The following SGCB variants were observed in gnomAD, a reference collection of about 807,000 sequenced individuals.
SGCB encodes sarcoglycan beta, also known as beta-sarcoglycan.
Under a neutral mutation model 27.3 loss-of-function variants are expected in SGCB, and 25 were observed. That is an observed-to-expected ratio of 0.92 (90% CI 0.67 to 1.28). The LOEUF (loss-of-function observed/expected upper bound fraction) is 1.28. SGCB is among the 50% of genes most tolerant of loss of function. SGCB has a pLI of 0.00. For synonymous variants in SGCB, 147 were observed against 133.5 expected (o/e 1.10, Z -0.70); for missense variants, 436 against 402.1 (o/e 1.08, Z -0.72).
chr4:52,030,047 T>C (rs1737210028), intron 2 of SGCB, among the ~76,000 whole-genome samples, 184 bp from the exon 3 acceptor site: 1 of 152,224 alleles, frequency 6.6e-6, no homozygotes, highest in African/African-American at 2.4e-5. Flanking sequence ...AGGTATTACA[T>C]GCAAATAGCT....
At chr4:52,026,250 G>GTTTT (rs71193050) in intron 5 of SGCB, among the ~76,000 whole-genome samples, 2 of 101,646 alleles carry the variant, frequency 2.0e-5, no homozygotes, top group Non-Finnish European at 4.1e-5. Context: ...TTTGTTGTTG[G>GTTTT]TTTTTTTTTT....
intron 1 of SGCB, 118 bp from the exon 2 acceptor site, chr4:52,033,758 G>C: frequency 1.3e-6 from 1 of 774,950 alleles, no homozygotes; most frequent in Non-Finnish European, 2.3e-6. Context: ...CATTTTCCAT[G>C]AATAAACTGC....
At chr4:52,027,842 T>G (rs1737140552) in intron 5 of SGCB, 126 bp downstream of exon 5, 1 of 892,732 alleles carries the variant, frequency 1.1e-6, no homozygotes, top group African/African-American at 1.7e-5. Flanking sequence ...ACAACCCACT[T>G]TGAACATCTT....
chr4:52,024,308 AAAAC>A (rs1737030786), intron 5 of SGCB, 148 bp from the exon 6 acceptor site: 1 of 653,306 alleles, frequency 1.5e-6, no homozygotes, highest in South Asian at 1.8e-5. Flanking sequence ...GCAACAATAA[AAAAC>A]AAAATATCAG....
intron 1 of SGCB, among the ~76,000 whole-genome samples, chr4:52,036,715 C>A (rs1026820117): frequency 1.3e-5 from 2 of 152,072 alleles, no homozygotes; most frequent in Non-Finnish European, 2.9e-5. Context: ...AGATGACTCC[C>A]AAATAGGACT....
chr4:52,034,408 G>T (rs971125210), intron 1 of SGCB, among the ~76,000 whole-genome samples: 1 of 126,404 alleles, frequency 7.9e-6, no homozygotes, highest in Non-Finnish European at 1.6e-5. Flanking sequence ...GAACATGTAC[G>T]ACTTTTTCCT....
Position 52,031,406 on chromosome 4 carries a change from ATGTGTGTGTGTGTGTGTGTGTG to A in SGCB, c.244-1565_244-1544del, listed in dbSNP as rs57599198. Among the ~76,000 whole-genome samples the A allele has an allele frequency of 9.8e-3, 1,405 of 142,776 alleles. 11 individuals are homozygous for A. Among genetic ancestry groups the A allele is most frequent in the East Asian group, 0.046 (220 of 4,760 alleles). The allele number at this position is 142,776 out of a possible 152,430, so 93.7% of individuals were successfully genotyped here. A position where few individuals can be genotyped will look rare whatever the true frequency, so the allele number is the denominator to read the frequency against. ...CCCATTCATCTCTGTGTGTGTGTGT[ATGTGTGTGTGTGTGTGTGTGTG>A]TGTGTGTGTGTGTGTGTGTGTGCAC... On this transcript the variant is annotated intron_variant, in intron 2 of 5. Coordinates refer to ENST00000381431, the MANE Select transcript of SGCB (RefSeq NM_000232.5).
At chr4:52,036,993 A>C (rs1308586507) in intron 1 of SGCB, among the ~76,000 whole-genome samples, 1 of 152,218 alleles carries the variant, frequency 6.6e-6, no homozygotes, top group East Asian at 1.9e-4. Context: ...CTGGAGACGT[A>C]ATGCGTAAAT....
rs1287754420 is a variant in SGCB at position 52,023,228 on chromosome 4, T to G, written c.*729A>C. ...CCTACTTGCAGGGTTGTGGTGAGAA[T>G]TGGGGATATAAACATGCAATGCCTA... On this transcript the variant is annotated 3_prime_UTR_variant, in exon 6 of 6. Transcript: ENST00000381431. The G allele has an allele frequency of 6.6e-6, 1 of 152,172 alleles. No individual in the cohort carries two copies. The highest frequency in any genetic ancestry group is 6.6e-5 in the Admixed American group (1 of 15,266). 9.4% of individuals were successfully genotyped at this position (152,172 alleles called of 1,614,324 possible).
At position 52,023,698 on chromosome 4, in the gene SGCB, T is replaced by G. The variant is rs907667539; in HGVS notation, c.*259A>C. ...TAGTGGAATTTTAAAAACACGTCTT[T>G]AAACATGACTTTTGATTTTATTTGC... On this transcript the variant is annotated 3_prime_UTR_variant, in exon 6 of 6. Coordinates refer to ENST00000381431, the MANE Select transcript of SGCB (RefSeq NM_000232.5). 2.3e-6 allele frequency: 1 copy of G among 430,274 alleles called. No individual in the cohort carries two copies. The highest frequency in any genetic ancestry group is 3.7e-5 in the Admixed American group (1 of 27,274). The allele number at this position is 430,274 out of a possible 1,614,324, so 26.7% of individuals were successfully genotyped here.
intron 1 of SGCB, among the ~76,000 whole-genome samples, chr4:52,035,680 T>C (rs748883592): frequency 2.7e-4 from 41 of 152,196 alleles, no homozygotes; most frequent in Non-Finnish European, 4.9e-4. Flanking sequence ...TAATGGAGGA[T>C]TGAGGTTAAG....
intron 1 of SGCB, among the ~76,000 whole-genome samples, chr4:52,037,714 T>C (rs1172121236): frequency 1.3e-5 from 2 of 152,194 alleles, no homozygotes; most frequent in East Asian, 3.9e-4. Context: ...GACTGGTGAC[T>C]AAATCTTCAA....
intron 1 of SGCB, 58 bp downstream of exon 1, chr4:52,038,169 C>G (rs1737449929): frequency 3.6e-5 from 42 of 1,177,620 alleles, no homozygotes; most frequent in Non-Finnish European, 4.2e-5. Context: ...CGGGCCCAGC[C>G]GGCAGGACGC....
intron 2 of SGCB, among the ~76,000 whole-genome samples, chr4:52,031,335 TCTAC>T (rs574355864): frequency 4.0e-4 from 60 of 151,742 alleles, no homozygotes; most frequent in Admixed American, 6.6e-4. Flanking sequence ...CTTCTGTCTA[TCTAC>T]CTACCTACCT....
intron 4 of SGCB, 125 bp from the exon 5 acceptor site, chr4:52,028,224 A>G: frequency 1.4e-6 from 1 of 736,924 alleles, no homozygotes; most frequent in South Asian, 1.7e-5. Flanking sequence ...TTAATGTTTT[A>G]GAGATGTGGA....
intron 1 of SGCB, among the ~76,000 whole-genome samples, chr4:52,034,934 A>C (rs754859698): frequency 6.6e-6 from 1 of 152,204 alleles, no homozygotes; most frequent in Non-Finnish European, 1.5e-5. Flanking sequence ...TACTTTAAAA[A>C]TTTCTCCATT....
At position 52,022,433 on chromosome 4, in the gene SGCB, G is replaced by A. The variant is rs1219793528; in HGVS notation, c.*1524C>T. ...CCTATTTTACAGCAAACTCCTTTGG[G>A]GGCCCTGTCCCTGATTCTGTGTGAG... On this transcript the variant is annotated 3_prime_UTR_variant, in exon 6 of 6. Transcript: ENST00000381431. 1 of 152,142 alleles carries A rather than the reference G, an allele frequency of 6.6e-6. No homozygotes were observed. The highest frequency in any genetic ancestry group is 2.4e-5 in the African/African-American group (1 of 41,436). 9.4% of individuals were successfully genotyped at this position (152,142 alleles called of 1,614,324 possible).
At chr4:52,026,661 G>C (rs1037899100) in intron 5 of SGCB, among the ~76,000 whole-genome samples, 5 of 152,102 alleles carry the variant, frequency 3.3e-5, no homozygotes, top group Non-Finnish European at 5.9e-5. Context: ...TATTAACGAA[G>C]TTATAAAGCT....
intron 1 of SGCB, among the ~76,000 whole-genome samples, chr4:52,036,157 G>A (rs1737385446): frequency 6.6e-6 from 1 of 152,202 alleles, no homozygotes; most frequent in Non-Finnish European, 1.5e-5. Flanking sequence ...CCACCTAGCA[G>A]GCAAGGGCAT....
Sources: allele counts gnomAD v4.1 joint callset (sites outside exome capture counted in the v4.1 genomes callset), GRCh38; gene constraint gnomAD v4.1.1; transcripts MANE v1.5; gene names NCBI Gene and HGNC (gene_info 2026-07-23, HGNC 2026-07-21).